The following BICD1 variants were observed in gnomAD, a reference collection of about 807,000 sequenced individuals.
BICD1 encodes protein bicaudal D homolog 1.
A neutral mutation model predicts 92.5 loss-of-function variants in BICD1; 35 were observed. That is an observed-to-expected ratio of 0.38 (90% CI 0.29 to 0.50). BICD1 has a LOEUF of 0.50. Ranked by LOEUF, BICD1 falls within the 20% of genes least tolerant of loss-of-function variation. The pLI is 0.93. For missense variants in BICD1, 950 were observed against 1,189.8 expected, an observed-to-expected ratio of 0.80 and a Z score of 2.97; for synonymous variants, 429 against 465.1, an observed-to-expected ratio of 0.92 and a Z score of 1.00.
At chr12:32,277,323 G>A (rs373645391) in intron 2 of BICD1, among the ~76,000 whole-genome samples, 2 of 152,200 alleles carry the variant, frequency 1.3e-5, no homozygotes, top group East Asian at 3.8e-4. Context: ...GAACCGGGGA[G>A]GTGGGGGTTG....
chr12:32,339,273 T>C, intron 8 of BICD1: 1 of 1,077,558 alleles, frequency 9.3e-7, no homozygotes, highest in Non-Finnish European at 1.1e-6. Context: ...ACTTGGATCC[T>C]ATTTGCAGTT....
chr12:32,139,250 C>T (rs1429596055), intron 1 of BICD1, among the ~76,000 whole-genome samples: 3 of 152,122 alleles, frequency 2.0e-5, no homozygotes, highest in African/African-American at 7.2e-5. Flanking sequence ...TTCAGTGCAT[C>T]GTCCCTGTGT....
At chr12:32,219,740 A>C (rs1053180939) in intron 2 of BICD1, among the ~76,000 whole-genome samples, 2 of 152,182 alleles carry the variant, frequency 1.3e-5, no homozygotes, top group Admixed American at 1.3e-4. Context: ...TAAAAAAACT[A>C]ACCTAGATTT....
At chr12:32,253,508 A>G (rs566652492) in intron 2 of BICD1, among the ~76,000 whole-genome samples, 3 of 151,410 alleles carry the variant, frequency 2.0e-5, no homozygotes, top group African/African-American at 4.9e-5. Context: ...TTTTATTTTT[A>G]TAGTAAAAGT....
intron 2 of BICD1, among the ~76,000 whole-genome samples, chr12:32,268,316 T>C (rs1947052540): frequency 6.6e-6 from 1 of 152,024 alleles, no homozygotes; most frequent in Non-Finnish European, 1.5e-5. Context: ...CCCATCAGGG[T>C]ACTATGGACA....
At chr12:32,346,590 A>ATATATATATATATACGTG (rs1938611616) in intron 8 of BICD1, among the ~76,000 whole-genome samples, 8 of 6,070 alleles carry the variant, frequency 1.3e-3, no homozygotes, top group African/African-American at 2.6e-3. Flanking sequence ...ATACGTGTAT[A>ATATATATATATATACGTG]TATATATATA....
chr12:32,146,519 T>C (rs1315186926), intron 1 of BICD1, among the ~76,000 whole-genome samples: 2 of 152,246 alleles, frequency 1.3e-5, no homozygotes, highest in African/African-American at 2.4e-5. Flanking sequence ...TTAATGTGTG[T>C]TATGCTGTGC....
intron 2 of BICD1, among the ~76,000 whole-genome samples, chr12:32,272,839 T>C (rs1346533965): frequency 6.6e-6 from 1 of 152,208 alleles, no homozygotes; most frequent in Non-Finnish European, 1.5e-5. Flanking sequence ...TCACATGGTG[T>C]TCTAGACTCT....
chr12:32,377,485 G>T (rs1326872166), intron 9 of BICD1, 55 bp from the exon 10 acceptor site: 35 of 1,398,530 alleles, frequency 2.5e-5, no homozygotes, highest in Non-Finnish European at 3.5e-5. Context: ...CCCTACCATT[G>T]TGCCTGGCCC....
At chr12:32,280,064 C>T (rs564414858) in intron 2 of BICD1, among the ~76,000 whole-genome samples, 34 of 151,966 alleles carry the variant, frequency 2.2e-4, no homozygotes, top group Admixed American at 1.5e-3. Flanking sequence ...TGCCATTGCA[C>T]GCCAGCCTGG....
chr12:32,367,925 A>C, intron 9 of BICD1, 180 bp downstream of exon 9: 1 of 594,730 alleles, frequency 1.7e-6, no homozygotes, highest in Non-Finnish European at 3.0e-6. Context: ...GTAGGAATAC[A>C]AGAGAGCTGG....
intron 1 of BICD1, among the ~76,000 whole-genome samples, chr12:32,154,555 G>A (rs978539892): frequency 2.0e-5 from 3 of 152,120 alleles, no homozygotes; most frequent in Non-Finnish European, 4.4e-5. Flanking sequence ...TGTCACATTC[G>A]TACTCATTTT....
intron 4 of BICD1, among the ~76,000 whole-genome samples, chr12:32,322,903 G>A (rs1948694062): frequency 6.6e-6 from 1 of 152,130 alleles, no homozygotes; most frequent in Admixed American, 6.5e-5. Context: ...CTTTTGAAGG[G>A]CGTTTTGGAA....
At chr12:32,148,520 C>T (rs1257816696) in intron 1 of BICD1, among the ~76,000 whole-genome samples, 3 of 152,088 alleles carry the variant, frequency 2.0e-5, no homozygotes, top group Non-Finnish European at 2.9e-5. Flanking sequence ...AGAGCGTCCT[C>T]GAGCCTGAAT....
chr12:32,107,692 A>C (rs1256717387), intron 1 of BICD1, 148 bp downstream of exon 1: 6 of 927,764 alleles, frequency 6.5e-6, no homozygotes, highest in Admixed American at 2.0e-5. Flanking sequence ...AGATTGAAAG[A>C]GTCCATTGTT....
intron 2 of BICD1, among the ~76,000 whole-genome samples, chr12:32,245,898 C>A (rs938071010): frequency 6.6e-6 from 1 of 151,238 alleles, no homozygotes; most frequent in Non-Finnish European, 1.5e-5. Flanking sequence ...GGTGTGGTGG[C>A]GCACACCTGT....
At chr12:32,343,226 A>G (rs12299219) in intron 8 of BICD1, among the ~76,000 whole-genome samples, 53,742 of 151,784 alleles carry the variant, frequency 0.35, 11,445 homozygotes, top group African/African-American at 0.6. Flanking sequence ...TTGTAATTGG[A>G]CAGCAGATTG....
At chr12:32,176,986 C>G (rs1406054935) in intron 1 of BICD1, among the ~76,000 whole-genome samples, 2 of 150,886 alleles carry the variant, frequency 1.3e-5, no homozygotes, top group South Asian at 4.2e-4. Context: ...TGTTTTTTAT[C>G]TAGTATTAAG....
intron 9 of BICD1, among the ~76,000 whole-genome samples, chr12:32,370,102 C>T (rs767619170): frequency 1.2e-4 from 18 of 152,108 alleles, no homozygotes; most frequent in Non-Finnish European, 2.1e-4. Flanking sequence ...GGCGTGGTGG[C>T]GCAGGCCTGT....
Sources: gnomAD v4.1 joint callset for allele counts (sites outside exome capture counted in the v4.1 genomes callset) on GRCh38, gnomAD v4.1.1 for gene constraint, MANE v1.5 for transcripts, NCBI Gene and HGNC (gene_info 2026-07-23, HGNC 2026-07-21) for gene names.